Variants in BCAT2 observed in about 807,000 individuals in gnomAD.
BCAT2 encodes the protein branched-chain-amino-acid aminotransferase, mitochondrial.
A neutral mutation model predicts 52.9 loss-of-function variants in BCAT2; 44 were observed. The ratio of observed to expected loss-of-function variants is 0.83; its 90% CI spans 0.65 to 1.07. The LOEUF (loss-of-function observed/expected upper bound fraction) is 1.07, where lower values mean the gene tolerates loss of function less well. Among genes scored for constraint, BCAT2 ranks in the 50% least tolerant of loss-of-function variants. The pLI is 0.00. For synonymous variants in BCAT2, 215 were observed against 217.1 expected (o/e 0.99, Z 0.08); for missense variants, 478 against 521.8 (o/e 0.92, Z 0.82).
chr19:48,796,323 C>T (rs767025426), intron 10 of BCAT2, 105 bp downstream of exon 10: 3 of 1,400,004 alleles, frequency 2.1e-6, no homozygotes, highest in Non-Finnish European at 3.0e-6. Context: ...ATTATCTGTT[C>T]CTGGTACTAC....
chr19:48,807,102 G>T lies in BCAT2; in HGVS notation c.25-28C>A, dbSNP rs763926375. On this transcript the variant is annotated intron_variant, in intron 1 of 10. Transcript: ENST00000316273. This position sits in a 1 kb window ranked among gnomAD's most constrained non-coding sequence, Gnocchi z 4.6. ...GGGTGGAGAAAGAAGTGAGAGAGGG[G>T]GTGAGTGGGGCACAGCAGGGGCCCT... 9 of 1,594,484 alleles carry T rather than the reference G, an allele frequency of 5.6e-6. No individual in the cohort carries two copies. The Admixed American group carries it at 1.5e-4, about 27-fold the overall frequency.
Position 48,799,550 on chromosome 19 carries a change from C to T in BCAT2, c.695+125G>A, listed in dbSNP as rs970879464. 41 of 1,254,062 alleles carry T rather than the reference C, an allele frequency of 3.3e-5. No individual in the cohort carries two copies. In the African/African-American group the frequency reaches 5.5e-4, roughly 17 times the overall value. The allele number at this position is 1,254,062 out of a possible 1,614,324, so 77.7% of individuals were successfully genotyped here. A position where few individuals can be genotyped will look rare whatever the true frequency, so the allele number is the denominator to read the frequency against. ...CAGGGAGGTCACTTAGCACTGAGCCCTGCACGGTGCTGATGATGTCACCTT... is the reference window on the plus strand; with the variant it reads ...CAGGGAGGTCACTTAGCACTGAGCCTTGCACGGTGCTGATGATGTCACCTT... On this transcript the variant is annotated intron_variant, in intron 6 of 10. Transcript: ENST00000316273. The surrounding 1 kb of genome is among the most constrained non-coding windows in gnomAD (Gnocchi z 5.5).
At chr19:48,805,377 TGA>T (rs2034744357) in intron 3 of BCAT2, among the ~76,000 whole-genome samples, 1 of 152,092 alleles carries the variant, frequency 6.6e-6, no homozygotes, top group African/African-American at 2.4e-5. Flanking sequence ...CCACATGGCC[TGA>T]GAGGGCTCTT....
Position 48,796,538 on chromosome 19 carries a change from C to CCCT in BCAT2, c.1065+37_1066-37dup, listed in dbSNP as rs765578328. On this transcript the variant is annotated intron_variant, in intron 9 of 10. Transcript: ENST00000316273. ...AGGTGCGGTGAGGACCAAGCCCCTCCCCTCCTTCCCTCCCACCCACAATGG... is the reference window on the plus strand; with the variant it reads ...AGGTGCGGTGAGGACCAAGCCCCTCCCCTCCTCCTTCCCTCCCACCCACAATGG... The CCCT allele has an allele frequency of 8.7e-6, 14 of 1,610,224 alleles. No individual in the cohort carries two copies. In the Admixed American group the frequency reaches 2.3e-4, roughly 27 times the overall value.
In BCAT2 at chr19:48,799,583, C is replaced by T. The variant is rs190519350; in HGVS notation, c.695+92G>A. On this transcript the variant is annotated intron_variant, in intron 6 of 10. Transcript: ENST00000316273. This position sits in a 1 kb window ranked among gnomAD's most constrained non-coding sequence, Gnocchi z 5.5. ...TGCTGATGATGTCACCTTCATGTGA[C>T]ATCCAGAGGCATGGCCGAAAGCACG... 3.6e-4 allele frequency: 512 copies of T among 1,414,340 alleles called. 5 individuals are homozygous for T. In the African/African-American group the frequency reaches 6.5e-3, roughly 18 times the overall value. 87.6% of individuals were successfully genotyped at this position (1,414,340 alleles called of 1,614,324 possible).
rs372954518 is a variant in BCAT2 at position 48,807,044 on chromosome 19, A to G, written c.55T>C (p.Trp19Arg). The G allele has an allele frequency of 6.2e-7, 1 of 1,613,848 alleles. No individual in the cohort carries two copies. Among genetic ancestry groups the G allele is most frequent in the Non-Finnish European group, 8.5e-7 (1 of 1,179,932 alleles). ...TATCTTCTGGGACCACACAGAAGCC[A>G]AGGGACAGAGAGAAGCTTTCGTGCC... ...IWARKLLSVP[W>R]LLCGPRRYAS... The change falls in exon 2 of 11, where the codon TGG (tryptophan) becomes CGG (arginine). Residue 19 changes from tryptophan (W) to arginine (R), a missense_variant. Coordinates refer to ENST00000316273, the MANE Select transcript of BCAT2 (RefSeq NM_001190.4). This position sits in a 1 kb window ranked among gnomAD's most constrained non-coding sequence, Gnocchi z 4.6.
intron 1 of BCAT2, among the ~76,000 whole-genome samples, chr19:48,808,495 G>A (rs1246893435): frequency 2.6e-5 from 4 of 152,140 alleles, no homozygotes; most frequent in African/African-American, 9.7e-5. Flanking sequence ...AGTGGCTCGC[G>A]CCTGTAATCC....
chr19:48,795,485 T>A, intron 10 of BCAT2, 21 bp from the exon 11 acceptor site: 1 of 1,613,386 alleles, frequency 6.2e-7, no homozygotes, highest in East Asian at 2.2e-5. Flanking sequence ...ACGGAGGCAG[T>A]GCGTGAGGTG....
chr19:48,807,017 C>T lies in BCAT2; in HGVS notation c.82G>A (p.Ala28Thr), dbSNP rs1188285321. ...PWLLCGPRRY[A>T]SSSFKAADLQ... ...CCTTTCACCTTGAAACTGGAGGAGG[C>T]ATATCTTCTGGGACCACACAGAAGC... Residue 28 changes from alanine (A) to threonine (T), a missense_variant, in exon 2 of 11, where the codon GCC becomes ACC. Coordinates refer to ENST00000316273, the MANE Select transcript of BCAT2 (RefSeq NM_001190.4). This position sits in a 1 kb window ranked among gnomAD's most constrained non-coding sequence, Gnocchi z 4.6. 6.2e-7 allele frequency: 1 copy of T among 1,613,828 alleles called. No homozygotes were observed. Among genetic ancestry groups the T allele is most frequent in the Non-Finnish European group, 8.5e-7 (1 of 1,179,928 alleles).
chr19:48,801,390 G>A (rs1299339624), intron 3 of BCAT2, among the ~76,000 whole-genome samples: 5 of 152,046 alleles, frequency 3.3e-5, no homozygotes, highest in Non-Finnish European at 7.4e-5. Context: ...AGCCATATCA[G>A]GTAGTAAAAC....
chr19:48,798,191 T>C (rs766424237), intron 6 of BCAT2, among the ~76,000 whole-genome samples: 19 of 152,066 alleles, frequency 1.2e-4, no homozygotes, highest in South Asian at 2.1e-4. Context: ...AAGCGTGAGC[T>C]ACCGCGCCTG....
intron 3 of BCAT2, among the ~76,000 whole-genome samples, chr19:48,802,928 G>A (rs2034688516): frequency 6.6e-6 from 1 of 152,202 alleles, no homozygotes; most frequent in African/African-American, 2.4e-5. Flanking sequence ...CCAGTATGAT[G>A]GCTCATACCT....
intron 3 of BCAT2, among the ~76,000 whole-genome samples, chr19:48,802,444 T>C (rs2034677880): frequency 7.4e-5 from 6 of 80,732 alleles, no homozygotes; most frequent in African/African-American, 2.9e-4. Flanking sequence ...TGGATTCCTT[T>C]TTTTTTTTTT....
rs1402007117 is a variant in BCAT2, at chr19:48,796,618, C to T, written c.1025G>A (p.Cys342Tyr). Residue 342 changes from cysteine (C) to tyrosine (Y), a missense_variant, in exon 9 of 11, where the codon TGC becomes TAC. Coordinates refer to ENST00000316273, the MANE Select transcript of BCAT2 (RefSeq NM_001190.4). The stretch of plus-strand genomic sequence containing the variant: ...GATTCGGTGCACTGGGCAGACCTGG[C>T]AAGCGGTGCCCGAGCCAAAGACTTC... ...VREVFGSGTA[C>Y]QVCPVHRILY... The T allele has an allele frequency of 2.5e-6, 4 of 1,613,706 alleles. No homozygotes were observed. The highest frequency in any genetic ancestry group is 2.2e-5 in the East Asian group (1 of 44,862).
chr19:48,796,757 T>G, intron 8 of BCAT2, 39 bp from the exon 9 acceptor site: 1 of 1,598,082 alleles, frequency 6.3e-7, no homozygotes. Flanking sequence ...CCCCAGAGGG[T>G]TGCCCTGCTG....
chr19:48,800,942 GCA>G (rs1448004442), intron 3 of BCAT2, among the ~76,000 whole-genome samples: 1 of 151,766 alleles, frequency 6.6e-6, no homozygotes, highest in African/African-American at 2.4e-5. Flanking sequence ...GCAGTCCCAT[GCA>G]CCAGGGTAGG....
At chr19:48,797,577 G>T in intron 6 of BCAT2, 1 of 469,522 alleles carries the variant, frequency 2.1e-6, no homozygotes, top group East Asian at 4.2e-5. Context: ...TTAAGACGGA[G>T]TCTCGCTCTG....
rs780147581 is a variant in BCAT2, at chr19:48,799,796, C to T, written c.574G>A (p.Val192Ile). 15 of 1,562,010 alleles carry T rather than the reference C, an allele frequency of 9.6e-6. No homozygotes were observed. In the South Asian group the frequency reaches 1.4e-4, roughly 15 times the overall value. The change falls in exon 6 of 11, where the codon GTC (valine) becomes ATC (isoleucine). Residue 192 changes from valine (V) to isoleucine (I), a missense_variant. Physicochemically the swap from Val to Ile is conservative, Grantham distance 29. Transcript: ENST00000316273. This position sits in a 1 kb window ranked among gnomAD's most constrained non-coding sequence, Gnocchi z 5.5. The part of the protein sequence containing the change: ...VSQPTRALLF[V>I]ILCPVGAYFP... ...TAGGCACCCACTGGGCAGAGAATGACGAACAGGAGCGCGCGCGTGGGCTGG... is the reference window on the plus strand; with the variant it reads ...TAGGCACCCACTGGGCAGAGAATGATGAACAGGAGCGCGCGCGTGGGCTGG...
rs756889501 is a variant in BCAT2 at position 48,797,255 on chromosome 19, G to C, written c.774C>G (p.Pro258=). ...TTCCCACCTCGGTGAGCTGGTGGTC[G>C]GGCCCATACAGCCAGAGGACCTGTT... ...GCEQVLWLYG[P]DHQLTEVGTM... is the part of the protein sequence containing the mutation. The change falls in exon 7 of 11, where the codon CCC becomes CCG. Residue 258 remains proline (P), a synonymous_variant. Transcript: ENST00000316273. 1 of 1,613,758 alleles carries C rather than the reference G, an allele frequency of 6.2e-7. No individual in the cohort carries two copies. The highest frequency in any genetic ancestry group is 8.5e-7 in the Non-Finnish European group (1 of 1,179,932).
Sources: gnomAD v4.1 joint callset for allele counts (sites outside exome capture counted in the v4.1 genomes callset) on GRCh38, gnomAD v4.1.1 for gene constraint, Gnocchi (gnomAD v3.1) non-coding constraint, MANE v1.5 for transcripts, NCBI Gene and HGNC (gene_info 2026-07-23, HGNC 2026-07-21) for gene names.